EN2: variants seen among roughly 807,000 people sequenced by gnomAD.
EN2 encodes the protein homeobox protein engrailed-2.
Under a neutral mutation model 25.0 loss-of-function variants are expected in EN2, and 7 were observed. That is an observed-to-expected ratio of 0.28 (90% CI 0.16 to 0.53). The LOEUF (loss-of-function observed/expected upper bound fraction) is 0.53. Among genes scored for constraint, EN2 ranks in the 20% least tolerant of loss-of-function variants. EN2 has a pLI of 0.96. For missense variants in EN2, 524 were observed against 501.8 expected (o/e 1.04, Z -0.42); for synonymous variants, 277 against 243.3 (o/e 1.14, Z -1.29).
chr7:155,463,563 G>T lies in EN2; in HGVS notation c.*876G>T. 1 of 152,516 alleles carries T rather than the reference G, an allele frequency of 6.6e-6. No individual in the cohort carries two copies. Among genetic ancestry groups the T allele is most frequent in the Non-Finnish European group, 1.5e-5 (1 of 68,222 alleles). 9.4% of individuals were successfully genotyped at this position (152,516 alleles called of 1,614,324 possible). A position where few individuals can be genotyped will look rare whatever the true frequency, so the allele number is the denominator to read the frequency against. ...CCGTGTGCATACATCGTCTGCGTCTGTGGTCTGTGTCGCTGTCCCCAGTCC... is the reference window on the plus strand; with the variant it reads ...CCGTGTGCATACATCGTCTGCGTCTTTGGTCTGTGTCGCTGTCCCCAGTCC... On this transcript the variant is annotated 3_prime_UTR_variant, in exon 2 of 2. Transcript: ENST00000297375.
chr7:155,458,656 A>G lies in EN2; in HGVS notation c.279A>G (p.Gly93=). 1 of 1,395,232 alleles carries G rather than the reference A, an allele frequency of 7.2e-7. No homozygotes were observed. 86.4% of individuals were successfully genotyped at this position (1,395,232 alleles called of 1,614,324 possible). ...CGGGGACCTGCTGTGCGGGCGCGGG[A>G]GGAGGAAGGGGCGGCGGAGCCGGCG... The part of the protein sequence containing the change: ...KDAGTCCAGA[G]GGRGGGAGGE... The change falls in exon 1 of 2, where the codon GGA becomes GGG. Residue 93 remains glycine, a synonymous_variant. Coordinates refer to ENST00000297375, the MANE Select transcript of EN2 (RefSeq NM_001427.4).
rs767081992 is a variant in EN2 at position 155,458,570 on chromosome 7, C to T, written c.193C>T (p.Arg65Cys). ...GCCCGGCAACCACCAGCACCCGCACCGCATCACCAACTTCTTCATCGACAA... is the reference window on the plus strand; with the variant it reads ...GCCCGGCAACCACCAGCACCCGCACTGCATCACCAACTTCTTCATCGACAA... The part of the protein sequence containing the change: ...QAPGNHQHPH[R>C]ITNFFIDNIL... Residue 65 changes from arginine (R) to cysteine (C), a missense_variant, in exon 1 of 2, where the codon CGC becomes TGC. Transcript: ENST00000297375. The T allele has an allele frequency of 4.8e-6, 7 of 1,471,704 alleles. 1 individual carries two copies. The highest frequency in any genetic ancestry group is 5.4e-6 in the Non-Finnish European group (6 of 1,108,508). The allele number at this position is 1,471,704 out of a possible 1,614,324, so 91.2% of individuals were successfully genotyped here.
chr7:155,461,645 C>A (rs934911144), intron 1 of EN2, among the ~76,000 whole-genome samples: 1 of 152,172 alleles, frequency 6.6e-6, no homozygotes, highest in African/African-American at 2.4e-5. Context: ...AGCCAGGTCC[C>A]CTCTCCTGGA....
intron 1 of EN2, among the ~76,000 whole-genome samples, chr7:155,460,545 G>C (rs1294125317): frequency 6.6e-6 from 1 of 152,172 alleles, no homozygotes; most frequent in African/African-American, 2.4e-5. Context: ...GAAATTTATT[G>C]CCATAAAATG....
Position 155,463,509 on chromosome 7 carries a change from T to G in EN2, c.*822T>G, listed in dbSNP as rs1026362293. On this transcript the variant is annotated 3_prime_UTR_variant, in exon 2 of 2. Coordinates refer to ENST00000297375, the MANE Select transcript of EN2 (RefSeq NM_001427.4). ...TCCTTCCTTCCTCCTCCTCCTTCTC[T>G]TTCCTCCTCCTCCTCACCAAGGGCC... The G allele has an allele frequency of 6.7e-6, 1 of 149,780 alleles. No homozygotes were observed. Among genetic ancestry groups the G allele is most frequent in the Non-Finnish European group, 1.5e-5 (1 of 68,388 alleles). 9.3% of individuals were successfully genotyped at this position (149,780 alleles called of 1,614,324 possible).
chr7:155,460,115 A>C (rs746291323), intron 1 of EN2, among the ~76,000 whole-genome samples: 16 of 152,252 alleles, frequency 1.1e-4, no homozygotes, highest in Non-Finnish European at 2.4e-4. Flanking sequence ...ATCCCGCAGA[A>C]CTATGCGTGC....
rs1795654658 is a variant in EN2, at chr7:155,458,513, C to T, written c.136C>T (p.Arg46Trp). 7.5e-7 allele frequency: 1 copy of T among 1,332,320 alleles called. No homozygotes were observed. The highest frequency in any genetic ancestry group is 9.6e-7 in the Non-Finnish European group (1 of 1,040,406). 82.5% of individuals were successfully genotyped at this position (1,332,320 alleles called of 1,614,324 possible). The change falls in exon 1 of 2, where the codon CGG becomes TGG. Residue 46 changes from arginine (R) to tryptophan (W), a missense_variant. Transcript: ENST00000297375. Reference sequence around the variant, plus strand: ...GGGCGAAGCGGACACCGGGCGCCGGCGGGCTCTGATGCTGCCCGCGGTCCT... The same window carrying T: ...GGGCGAAGCGGACACCGGGCGCCGGTGGGCTCTGATGCTGCCCGCGGTCCT... ...SPGEADTGRR[R>W]ALMLPAVLQA...
Position 155,458,300 on chromosome 7 carries a change from G to T in EN2, c.-78G>T. The T allele has an allele frequency of 8.0e-7, 1 of 1,247,594 alleles. No homozygotes were observed. The highest frequency in any genetic ancestry group is 4.1e-5 in the Admixed American group (1 of 24,206). 77.3% of individuals were successfully genotyped at this position (1,247,594 alleles called of 1,614,324 possible). ...GCGGGGTGGGGGCGCGGGGGTCTCC[G>T]TGTGCGCCGCGGGAGGGCCGAAGGC... On this transcript the variant is annotated 5_prime_UTR_variant, in exon 1 of 2. Coordinates refer to ENST00000297375, the MANE Select transcript of EN2 (RefSeq NM_001427.4).
chr7:155,458,936 G>T lies in EN2; in HGVS notation c.559G>T (p.Gly187Cys). 2 of 1,519,180 alleles carry T rather than the reference G, an allele frequency of 1.3e-6. No individual in the cohort carries two copies. Among genetic ancestry groups the T allele is most frequent in the Non-Finnish European group, 1.8e-6 (2 of 1,140,796 alleles). 94.1% of individuals were successfully genotyped at this position (1,519,180 alleles called of 1,614,324 possible). A position where few individuals can be genotyped will look rare whatever the true frequency, so the allele number is the denominator to read the frequency against. Residue 187 changes from glycine to cysteine, a missense_variant, in exon 1 of 2, where the codon GGC (glycine) becomes TGC (cysteine). Gly to Cys is a radical substitution (Grantham distance 159, BLOSUM62 -3). Transcript: ENST00000297375. Reference protein sequence around the residue: ...LDGSLKARGLGGGDLSVSSDS... With the variant: ...LDGSLKARGLCGGDLSVSSDS... ...CGGGTCGCTCAAGGCCCGCGGCTTG[G>T]GCGGCGGCGACCTGTCGGTGAGCTC... is the stretch of plus-strand genomic sequence containing the variant.
At position 155,463,774 on chromosome 7, in the gene EN2, C is replaced by T. The variant is rs911971501; in HGVS notation, c.*1087C>T. ...CTCCACCAGCCATCATGGGTGCCAGCCAGGGTCCCAGAAATGAGGCCATGG... is the reference window on the plus strand; with the variant it reads ...CTCCACCAGCCATCATGGGTGCCAGTCAGGGTCCCAGAAATGAGGCCATGG... On this transcript the variant is annotated 3_prime_UTR_variant, in exon 2 of 2. Transcript: ENST00000297375. The T allele has an allele frequency of 6.6e-6, 1 of 152,274 alleles. No homozygotes were observed. The highest frequency in any genetic ancestry group is 2.4e-5 in the African/African-American group (1 of 41,470). 9.4% of individuals were successfully genotyped at this position (152,274 alleles called of 1,614,324 possible).
chr7:155,462,170 G>T (rs901512362), intron 1 of EN2, among the ~76,000 whole-genome samples: 1 of 152,274 alleles, frequency 6.6e-6, no homozygotes, highest in East Asian at 1.9e-4. Flanking sequence ...TACATCACAC[G>T]CAGTCCTCCC....
rs756203095 is a variant in EN2 at position 155,459,076 on chromosome 7, G to A, written c.685+14G>A. 6 of 1,564,090 alleles carry A rather than the reference G, an allele frequency of 3.8e-6. No individual in the cohort carries two copies. Among genetic ancestry groups the A allele is most frequent in the South Asian group, 2.3e-5 (2 of 87,632 alleles). On this transcript the variant is annotated intron_variant, in intron 1 of 1. Coordinates refer to ENST00000297375, the MANE Select transcript of EN2 (RefSeq NM_001427.4). ...GGCCTTCTTCAGGTGAGCCCGCGGG[G>A]ACCACGCGTCCCGGCTCGCCGCGGG... is the stretch of plus-strand genomic sequence containing the variant.
At chr7:155,459,083 C>G (rs1421995699) in intron 1 of EN2, 21 bp downstream of exon 1, 1 of 1,547,774 alleles carries the variant, frequency 6.5e-7, no homozygotes, top group Non-Finnish European at 8.6e-7. Context: ...GGGGACCACG[C>G]GTCCCGGCTC....
At chr7:155,459,110 C>T (rs772999042) in intron 1 of EN2, 48 bp downstream of exon 1, 2 of 1,510,636 alleles carry the variant, frequency 1.3e-6, no homozygotes, top group East Asian at 5.2e-5. Context: ...GGGAGGCCCG[C>T]GGAGCTGGGG....
rs1327012313 is a variant in EN2, at chr7:155,462,256, G to A, written c.686-115G>A. The A allele has an allele frequency of 2.6e-5, 31 of 1,208,148 alleles. No individual in the cohort carries two copies. The Middle Eastern group carries it at 6.0e-4, about 23-fold the overall frequency. 74.8% of individuals were successfully genotyped at this position (1,208,148 alleles called of 1,614,324 possible). ...GCCCCACATCTGGCGGTTCAGCCTC[G>A]AGTGGCCTTGGGCGAGTCACTTCCC... On this transcript the variant is annotated intron_variant, in intron 1 of 1. Coordinates refer to ENST00000297375, the MANE Select transcript of EN2 (RefSeq NM_001427.4).
In EN2 at chr7:155,462,387, A is replaced by G; in HGVS notation, c.702A>G (p.Lys234=). 1 of 1,609,820 alleles carries G rather than the reference A, an allele frequency of 6.2e-7. No homozygotes were observed. The highest frequency in any genetic ancestry group is 8.5e-7 in the Non-Finnish European group (1 of 1,178,578). The stretch of plus-strand genomic sequence containing the variant: ...TCTACCCAGGTCCCAGGTCTCGAAA[A>G]CCAAAGAAGAAGAACCCGAACAAAG... ...DRPSSGPRSR[K]PKKKNPNKED... The change falls in exon 2 of 2, where the codon AAA becomes AAG. Residue 234 remains lysine, a synonymous_variant. Coordinates refer to ENST00000297375, the MANE Select transcript of EN2 (RefSeq NM_001427.4).
Position 155,458,807 on chromosome 7 carries a change from C to T in EN2, c.430C>T (p.Pro144Ser). The change falls in exon 1 of 2, where the codon CCA becomes TCA. Residue 144 changes from proline (P) to serine (S), a missense_variant. Coordinates refer to ENST00000297375, the MANE Select transcript of EN2 (RefSeq NM_001427.4). The stretch of plus-strand genomic sequence containing the variant: ...TGCGCCCGGCGCGGGCGGGCCGCTC[C>T]CAGCCGCCGGCAGCGACTCTCCGGG... The part of the protein sequence containing the change: ...PCAPGAGGPL[P>S]AAGSDSPGDG... 1 of 1,403,626 alleles carries T rather than the reference C, an allele frequency of 7.1e-7. No homozygotes were observed. 86.9% of individuals were successfully genotyped at this position (1,403,626 alleles called of 1,614,324 possible). A position where few individuals can be genotyped will look rare whatever the true frequency, so the allele number is the denominator to read the frequency against.
Position 155,463,218 on chromosome 7 carries a change from T to C in EN2, c.*531T>C, listed in dbSNP as rs1307636750. 1 of 153,354 alleles carries C rather than the reference T, an allele frequency of 6.5e-6. No homozygotes were observed. The highest frequency in any genetic ancestry group is 1.9e-4 in the East Asian group (1 of 5,228). 9.5% of individuals were successfully genotyped at this position (153,354 alleles called of 1,614,324 possible). A position where few individuals can be genotyped will look rare whatever the true frequency, so the allele number is the denominator to read the frequency against. On this transcript the variant is annotated 3_prime_UTR_variant, in exon 2 of 2. Transcript: ENST00000297375. ...AGCCACCTCAAGGCCTTGGGGAGCTTAGGGGACCTGGTGGGAGAGAGGGGA... is the reference window on the plus strand; with the variant it reads ...AGCCACCTCAAGGCCTTGGGGAGCTCAGGGGACCTGGTGGGAGAGAGGGGA...
Position 155,462,495 on chromosome 7 carries a change from G to C in EN2, c.810G>C (p.Thr270=). Residue 270 remains threonine, a synonymous_variant, in exon 2 of 2, where the codon ACG becomes ACC. Transcript: ENST00000297375. ...AGTTCCAGACCAACAGGTACCTGAC[G>C]GAGCAGCGGCGCCAGAGCCTGGCGC... ...KAEFQTNRYL[T]EQRRQSLAQE... The C allele has an allele frequency of 6.2e-7, 1 of 1,614,200 alleles. No individual in the cohort carries two copies. Among genetic ancestry groups the C allele is most frequent in the East Asian group, 2.2e-5 (1 of 44,886 alleles).
Sources: gnomAD v4.1 joint callset for allele counts (sites outside exome capture counted in the v4.1 genomes callset) on GRCh38, gnomAD v4.1.1 for gene constraint, MANE v1.5 for transcripts, NCBI Gene and HGNC (gene_info 2026-07-23, HGNC 2026-07-21) for gene names.